The following CEP83 variants were observed in gnomAD, a reference collection of about 807,000 sequenced individuals.
CEP83 encodes centrosomal protein of 83 kDa.
A neutral mutation model predicts 101.9 loss-of-function variants in CEP83; 70 were observed. That is an observed-to-expected ratio of 0.69 (90% CI 0.57 to 0.84). The LOEUF (loss-of-function observed/expected upper bound fraction) is 0.84, where lower values mean the gene tolerates loss of function less well. Ranked by LOEUF, CEP83 falls within the 40% of genes least tolerant of loss-of-function variation. The pLI, the probability that CEP83 is intolerant of heterozygous loss-of-function variation, is 0.00. For missense variants in CEP83, 715 were observed against 787.2 expected (o/e 0.91, Z 1.10); for synonymous variants, 264 against 267.9 (o/e 0.99, Z 0.14).
intron 7 of CEP83, 45 bp downstream of exon 7, chr12:94,378,746 T>C (rs373189059): frequency 1.9e-6 from 3 of 1,594,670 alleles, no homozygotes; most frequent in Non-Finnish European, 1.7e-6. Flanking sequence ...AACTGCACTT[T>C]AAAAAAGTAT....
intron 11 of CEP83, among the ~76,000 whole-genome samples, chr12:94,365,084 G>C (rs1191835594): frequency 6.6e-6 from 1 of 151,834 alleles, no homozygotes; most frequent in Non-Finnish European, 1.5e-5. Context: ...CACACTGGCA[G>C]AAAATATCTG....
chr12:94,441,323 G>A (rs563918181), intron 1 of CEP83, among the ~76,000 whole-genome samples: 2 of 151,968 alleles, frequency 1.3e-5, no homozygotes, highest in African/African-American at 4.8e-5. Flanking sequence ...AAACAAATCT[G>A]CAAGAAAAAA....
At chr12:94,348,010 C>T (rs1044029862) in intron 11 of CEP83, among the ~76,000 whole-genome samples, 1 of 151,808 alleles carries the variant, frequency 6.6e-6, no homozygotes, top group Non-Finnish European at 1.5e-5. Flanking sequence ...GGAAACCAGT[C>T]GATCTAATAA....
chr12:94,322,595 G>A (rs1203939320), intron 14 of CEP83, among the ~76,000 whole-genome samples: 1 of 152,166 alleles, frequency 6.6e-6, no homozygotes, highest in Non-Finnish European at 1.5e-5. Flanking sequence ...TGAAACTGCT[G>A]CTGGCCAGAA....
At chr12:94,319,160 T>C (rs975546817) in intron 14 of CEP83, among the ~76,000 whole-genome samples, 2 of 152,204 alleles carry the variant, frequency 1.3e-5, no homozygotes, top group East Asian at 3.8e-4. Context: ...TCCAGAAATT[T>C]ATCTGTCTCT....
intron 14 of CEP83, among the ~76,000 whole-genome samples, chr12:94,314,295 A>G (rs995041538): frequency 6.6e-6 from 1 of 152,162 alleles, no homozygotes; most frequent in Non-Finnish European, 1.5e-5. Context: ...CCACAAAACA[A>G]ATGCTGGCAT....
intron 11 of CEP83, among the ~76,000 whole-genome samples, chr12:94,354,472 C>A (rs1410238918): frequency 6.6e-6 from 1 of 152,150 alleles, no homozygotes; most frequent in Admixed American, 6.5e-5. Flanking sequence ...AGGTATGAGC[C>A]ACCATGCTTG....
At chr12:94,340,006 A>G (rs1448073801) in intron 11 of CEP83, among the ~76,000 whole-genome samples, 1 of 152,192 alleles carries the variant, frequency 6.6e-6, no homozygotes, top group Admixed American at 6.5e-5. Context: ...TTCAAGATGG[A>G]GTCTAAGTAG....
chr12:94,300,393 G>GTT, the CEP83 span, among the ~76,000 whole-genome samples: 2 of 152,182 alleles, frequency 1.3e-5, no homozygotes, highest in Non-Finnish European at 2.9e-5. Flanking sequence ...AAGAGCACAA[G>GTT]TTGTGAGGCA....
chr12:94,414,249 A>C, intron 2 of CEP83, among the ~76,000 whole-genome samples: 1 of 152,216 alleles, frequency 6.6e-6, no homozygotes, highest in Non-Finnish European at 1.5e-5. Context: ...GAATTAATGA[A>C]TTGCATCATA....
downstream of CEP83, among the ~76,000 whole-genome samples, chr12:94,301,916 TAC>T (rs1968503069): frequency 6.6e-6 from 1 of 152,204 alleles, no homozygotes; most frequent in Non-Finnish European, 1.5e-5. Flanking sequence ...GGTTACCACT[TAC>T]TTCTGTCTCA....
chr12:94,292,115 ATAG>A, the CEP83 span, among the ~76,000 whole-genome samples: 5 of 152,240 alleles, frequency 3.3e-5, no homozygotes, highest in South Asian at 1.0e-3. Context: ...GAACTAACAC[ATAG>A]TAATAATGAA....
chr12:94,357,039 C>T (rs747900439), intron 11 of CEP83, among the ~76,000 whole-genome samples: 1 of 152,070 alleles, frequency 6.6e-6, no homozygotes, highest in Non-Finnish European at 1.5e-5. Flanking sequence ...AAACAGGGAC[C>T]AAGGGAACCA....
intron 11 of CEP83, among the ~76,000 whole-genome samples, chr12:94,360,943 T>C (rs960520023): frequency 6.6e-6 from 1 of 152,010 alleles, no homozygotes; most frequent in African/African-American, 2.4e-5. Context: ...AAGTCAAAAA[T>C]AATTCCACAT....
chr12:94,344,944 T>G (rs184542435), intron 11 of CEP83, among the ~76,000 whole-genome samples: 1 of 152,184 alleles, frequency 6.6e-6, no homozygotes, highest in African/African-American at 2.4e-5. Context: ...GTAATCAAAA[T>G]GGTATGATAC....
At chr12:94,289,707 A>G in the CEP83 span, among the ~76,000 whole-genome samples, 1 of 152,208 alleles carries the variant, frequency 6.6e-6, no homozygotes. Flanking sequence ...TTGTGCTAAA[A>G]AGAAAACGGA....
the CEP83 span, among the ~76,000 whole-genome samples, chr12:94,286,469 TG>T: frequency 6.6e-6 from 1 of 152,134 alleles, no homozygotes; most frequent in Admixed American, 6.5e-5. Context: ...TTGACAGGGC[TG>T]GGCTGAAGTT....
intron 2 of CEP83, among the ~76,000 whole-genome samples, chr12:94,413,950 T>C (rs1394436648): frequency 6.6e-6 from 1 of 152,062 alleles, no homozygotes; most frequent in Non-Finnish European, 1.5e-5. Flanking sequence ...AAAATCTTTG[T>C]CCTATGCAAA....
At chr12:94,445,588 T>C (rs984944865) in intron 1 of CEP83, among the ~76,000 whole-genome samples, 4 of 152,182 alleles carry the variant, frequency 2.6e-5, no homozygotes, top group Admixed American at 1.3e-4. Flanking sequence ...AAATCATAAA[T>C]CTTATAAAGC....
Sources: gnomAD v4.1 joint callset for allele counts (sites outside exome capture counted in the v4.1 genomes callset) on GRCh38, gnomAD v4.1.1 for gene constraint, MANE v1.5 for transcripts, NCBI Gene and HGNC (gene_info 2026-07-23, HGNC 2026-07-21) for gene names.